Variants in ZFPM2 observed in about 807,000 individuals in gnomAD.
ZFPM2 encodes zinc finger protein ZFPM2.
In ZFPM2, 20 loss-of-function variants were observed where a neutral mutation model predicts 98.6. That is an observed-to-expected ratio of 0.20 (90% confidence interval 0.14 to 0.29). The LOEUF (loss-of-function observed/expected upper bound fraction) is 0.29, where lower values mean the gene tolerates loss of function less well. ZFPM2 is among the 10% of genes least tolerant of loss of function. ZFPM2 has a pLI of 1.00. For missense variants in ZFPM2, 1,310 were observed against 1,388.6 expected, an observed-to-expected ratio of 0.94 and a Z score of 0.90; for synonymous variants, 518 against 502.7, an observed-to-expected ratio of 1.03 and a Z score of -0.41.
At chr8:105,330,507 A>G (rs1586295648) in intron 1 of ZFPM2, among the ~76,000 whole-genome samples, 2 of 146,108 alleles carry the variant, frequency 1.4e-5, no homozygotes, top group Admixed American at 1.4e-4. Flanking sequence ...ATAGATTTAT[A>G]TGGAACAAAA....
intron 3 of ZFPM2, among the ~76,000 whole-genome samples, chr8:105,489,466 ATTTTT>A (rs369037656): frequency 3.2e-4 from 38 of 119,768 alleles, no homozygotes; most frequent in African/African-American, 1.3e-3. Flanking sequence ...ATATATATAT[ATTTTT>A]TTTTTTTTTT....
intron 2 of ZFPM2, among the ~76,000 whole-genome samples, chr8:105,441,472 A>AAG (rs1812243806): frequency 1.2e-5 from 1 of 86,566 alleles, no homozygotes; most frequent in Non-Finnish European, 2.0e-5. Flanking sequence ...GAAAGAAAGA[A>AAG]AGAAAGAAAG....
intron 4 of ZFPM2, among the ~76,000 whole-genome samples, chr8:105,591,028 A>G (rs923237849): frequency 2.6e-5 from 4 of 152,150 alleles, no homozygotes; most frequent in African/African-American, 9.7e-5. Context: ...GGTAACAACT[A>G]CCCTTGTTCT....
At chr8:105,697,451 A>G (rs1275298001) in intron 5 of ZFPM2, among the ~76,000 whole-genome samples, 1 of 152,168 alleles carries the variant, frequency 6.6e-6, no homozygotes, top group Non-Finnish European at 1.5e-5. Context: ...TTATTAAAGG[A>G]TTGAGGACTG....
intron 3 of ZFPM2, among the ~76,000 whole-genome samples, chr8:105,556,425 G>A (rs1814992143): frequency 6.6e-6 from 1 of 152,114 alleles, no homozygotes; most frequent in Non-Finnish European, 1.5e-5. Context: ...CTTTGCCTTT[G>A]CATATTGTTA....
At chr8:105,628,890 G>A (rs1586160965) in intron 4 of ZFPM2, among the ~76,000 whole-genome samples, 1 of 146,842 alleles carries the variant, frequency 6.8e-6, no homozygotes, top group Admixed American at 6.8e-5. Flanking sequence ...CTTTGCCCTC[G>A]CTGGTGATGA....
chr8:105,487,892 GTCTA>G (rs752314176), intron 3 of ZFPM2, among the ~76,000 whole-genome samples: 3,564 of 103,358 alleles, frequency 0.034, 70 homozygotes, highest in Non-Finnish European at 0.05. Flanking sequence ...AAGTCTGTCT[GTCTA>G]TCTATCTATC....
chr8:105,482,734 G>A (rs1813144527), intron 3 of ZFPM2, among the ~76,000 whole-genome samples: 1 of 151,962 alleles, frequency 6.6e-6, no homozygotes, highest in African/African-American at 2.4e-5. Flanking sequence ...TATTTTACAT[G>A]AATTTGTTTC....
chr8:105,658,586 CA>C (rs773181953), intron 5 of ZFPM2, among the ~76,000 whole-genome samples: 157 of 7,902 alleles, frequency 0.02, 2 homozygotes, highest in African/African-American at 0.098. Flanking sequence ...GACTCCGTCT[CA>C]AAAAAAAAAA....
At chr8:105,522,596 C>G (rs1221244791) in intron 3 of ZFPM2, among the ~76,000 whole-genome samples, 4 of 151,986 alleles carry the variant, frequency 2.6e-5, no homozygotes, top group Admixed American at 6.6e-5. Flanking sequence ...CTAGTGAAAC[C>G]CTGTCTCTAC....
chr8:105,382,475 C>G (rs1279149255), intron 1 of ZFPM2, among the ~76,000 whole-genome samples: 3 of 151,582 alleles, frequency 2.0e-5, no homozygotes, highest in Non-Finnish European at 4.4e-5. Context: ...TTTTCTTATT[C>G]CATGTTAAAA....
intron 1 of ZFPM2, chr8:105,418,515 A>G (rs1811726922): frequency 3.9e-6 from 2 of 514,394 alleles, no homozygotes; most frequent in Admixed American, 2.0e-5. Context: ...CATAAATACA[A>G]ATTACATTTT....
At chr8:105,759,840 C>T (rs568991557) in intron 5 of ZFPM2, among the ~76,000 whole-genome samples, 11 of 152,020 alleles carry the variant, frequency 7.2e-5, no homozygotes, top group African/African-American at 2.4e-4. Context: ...TGTTCCTGAC[C>T]ATTGCCAGGG....
chr8:105,515,222 T>C (rs1278492524), intron 3 of ZFPM2, among the ~76,000 whole-genome samples: 1 of 152,248 alleles, frequency 6.6e-6, no homozygotes, highest in Admixed American at 6.5e-5. Flanking sequence ...TATGTTAAGA[T>C]AAAGTTTTAG....
Position 105,686,281 on chromosome 8 carries a change from T to C in ZFPM2, c.532+51924T>C, listed in dbSNP as rs1047665116. 2.0e-5 allele frequency among the ~76,000 whole-genome samples: 3 copies of C among 152,130 alleles called. No homozygotes were observed. In the East Asian group the frequency reaches 5.8e-4, roughly 29 times the overall value. On this transcript the variant is annotated intron_variant, in intron 5 of 7. Transcript: ENST00000407775. Reference sequence around the variant, plus strand: ...TAGTTCAGCTTGCCAACCAAGACAATTAAACAGTCGTTTTGCTTATCAAAG... The same window carrying C: ...TAGTTCAGCTTGCCAACCAAGACAACTAAACAGTCGTTTTGCTTATCAAAG...
At chr8:105,657,841 C>G (rs1298951034) in intron 5 of ZFPM2, among the ~76,000 whole-genome samples, 1 of 152,136 alleles carries the variant, frequency 6.6e-6, no homozygotes, top group Non-Finnish European at 1.5e-5. Flanking sequence ...TCATTTCCAC[C>G]CATGCATTTA....
chr8:105,547,837 A>T (rs949526713), intron 3 of ZFPM2, among the ~76,000 whole-genome samples: 15 of 152,130 alleles, frequency 9.9e-5, no homozygotes, highest in African/African-American at 3.6e-4. Context: ...ATTATTTATT[A>T]AAGTTTTTGG....
intron 5 of ZFPM2, among the ~76,000 whole-genome samples, chr8:105,693,558 C>G (rs1227106862): frequency 6.6e-6 from 1 of 152,138 alleles, no homozygotes; most frequent in Non-Finnish European, 1.5e-5. Flanking sequence ...AGAAGATGCA[C>G]ATATCCAGAT....
chr8:105,790,076 G>A (rs1425732065), intron 6 of ZFPM2, among the ~76,000 whole-genome samples: 3 of 151,368 alleles, frequency 2.0e-5, no homozygotes, highest in Admixed American at 1.3e-4. Flanking sequence ...CTGTGCAGAA[G>A]CTCTTTAGTT....
Sources: allele counts gnomAD v4.1 joint callset (sites outside exome capture counted in the v4.1 genomes callset), GRCh38; gene constraint gnomAD v4.1.1; transcripts MANE v1.5; gene names NCBI Gene and HGNC (gene_info 2026-07-23, HGNC 2026-07-21).